The following CACNA1C variants were observed in gnomAD, a reference collection of about 807,000 sequenced individuals.
CACNA1C encodes the protein calcium voltage-gated channel subunit alpha1 C.
Under a neutral mutation model 229.0 loss-of-function variants are expected in CACNA1C, and 30 were observed. The ratio of observed to expected loss-of-function variants is 0.13; its 90% CI spans 0.10 to 0.18. The LOEUF (loss-of-function observed/expected upper bound fraction) is 0.18, where lower values mean the gene tolerates loss of function less well. Among genes scored for constraint, CACNA1C ranks in the 10% least tolerant of loss-of-function variants. CACNA1C has a pLI of 1.00. For synonymous variants in CACNA1C, 1,114 were observed against 1,132.5 expected (o/e 0.98, Z 0.33); for missense variants, 1,658 against 2,845.0 (o/e 0.58, Z 9.49).
chr12:1,973,016 C>T (rs1368235571), intron 1 of CACNA1C, among the ~76,000 whole-genome samples: 3 of 152,200 alleles, frequency 2.0e-5, no homozygotes, highest in Non-Finnish European at 4.4e-5. Flanking sequence ...GTACTTCTTC[C>T]CCATTTGGAA....
At chr12:1,982,133 G>C (rs894028161) in intron 1 of CACNA1C, among the ~76,000 whole-genome samples, 1 of 152,180 alleles carries the variant, frequency 6.6e-6, no homozygotes, top group African/African-American at 2.4e-5. Flanking sequence ...GAGGGGATAA[G>C]CCAGATGTGA....
chr12:2,295,409 G>A (rs778437229), intron 3 of CACNA1C, among the ~76,000 whole-genome samples: 35 of 152,182 alleles, frequency 2.3e-4, no homozygotes, highest in African/African-American at 7.9e-4. Flanking sequence ...TCAGTGAAAC[G>A]TCCTTCCTTA....
At chr12:2,522,198 A>G (rs1427956105) in intron 9 of CACNA1C, among the ~76,000 whole-genome samples, 2 of 151,782 alleles carry the variant, frequency 1.3e-5, no homozygotes, top group East Asian at 1.9e-4. Context: ...CTCAACCCTC[A>G]CCTACCCACC....
chr12:2,661,475 AC>A (rs1316472126), intron 34 of CACNA1C, among the ~76,000 whole-genome samples: 14 of 152,118 alleles, frequency 9.2e-5, no homozygotes, highest in African/African-American at 3.4e-4. Flanking sequence ...TTAAAAAAAA[AC>A]AACTACAACA....
At chr12:2,066,925 G>A (rs539219045) in intron 1 of CACNA1C, among the ~76,000 whole-genome samples, 3 of 152,204 alleles carry the variant, frequency 2.0e-5, no homozygotes, top group East Asian at 3.9e-4. Context: ...AGCTGGAGTG[G>A]GGCCTGAGCT....
At chr12:2,328,108 G>T (rs2096401268) in intron 3 of CACNA1C, among the ~76,000 whole-genome samples, 1 of 152,236 alleles carries the variant, frequency 6.6e-6, no homozygotes, top group South Asian at 2.1e-4. Context: ...TGTCAAAGCG[G>T]CAAGGCTGCT....
chr12:2,220,946 AAAAG>A (rs2061315787), intron 3 of CACNA1C: 2 of 149,566 alleles, frequency 1.3e-5, no homozygotes, highest in African/African-American at 2.6e-5. Context: ...GGTGCTATGA[AAAAG>A]AAATCAAAGA....
intron 22 of CACNA1C, chr12:2,603,550 G>T (rs985092495): frequency 6.6e-5 from 10 of 152,240 alleles, no homozygotes; most frequent in African/African-American, 1.7e-4. Context: ...CACCAAGGTG[G>T]TATGGTTAAT....
chr12:2,595,423 G>T lies in CACNA1C; in HGVS notation c.2664-451G>T, dbSNP rs556649548. ...TTGTGCTGGGGCATGGAAGTGAATT[G>T]CACATTTAAAGCTATTACACAGGAG... is the stretch of plus-strand genomic sequence containing the variant. On this transcript the variant is annotated intron_variant, in intron 19 of 46. Coordinates refer to ENST00000399655, the MANE Select transcript of CACNA1C (RefSeq NM_000719.7). The surrounding 1 kb of genome is among the most constrained non-coding windows in gnomAD (Gnocchi z 4.1). Among the ~76,000 whole-genome samples, 33 of 152,276 alleles carry T rather than the reference G, an allele frequency of 2.2e-4. No individual in the cohort carries two copies. Among genetic ancestry groups the T allele is most frequent in the African/African-American group, 6.7e-4 (28 of 41,548 alleles).
At chr12:2,050,957 C>T (rs1387458508), upstream of CACNA1C, among the ~76,000 whole-genome samples, 2 of 152,152 alleles carry the variant, frequency 1.3e-5, no homozygotes, top group South Asian at 4.1e-4. Flanking sequence ...CTGCTCTAGG[C>T]ACTGGTGAAC....
In CACNA1C at chr12:2,378,494, A is replaced by C. The variant is rs1567334193; in HGVS notation, c.478-70482A>C. Among the ~76,000 whole-genome samples the C allele has an allele frequency of 2.0e-5, 3 of 152,340 alleles. No individual in the cohort carries two copies. The South Asian group carries it at 6.2e-4, about 32-fold the overall frequency. On this transcript the variant is annotated intron_variant, in intron 3 of 46. Coordinates refer to ENST00000399655, the MANE Select transcript of CACNA1C (RefSeq NM_000719.7). ...CATCAAACGTAAGCACATAGATGCCAACCAGTGTCTACGGGGTGTACCAAG... is the reference window on the plus strand; with the variant it reads ...CATCAAACGTAAGCACATAGATGCCCACCAGTGTCTACGGGGTGTACCAAG...
intron 3 of CACNA1C, among the ~76,000 whole-genome samples, chr12:2,351,639 C>T (rs750337475): frequency 2.1e-4 from 32 of 152,332 alleles, no homozygotes; most frequent in South Asian, 4.1e-4. Flanking sequence ...GTCTTTCCCA[C>T]TTGTCCTTCC....
chr12:2,086,809 A>G (rs2067867520), intron 1 of CACNA1C, among the ~76,000 whole-genome samples: 1 of 152,194 alleles, frequency 6.6e-6, no homozygotes, highest in Non-Finnish European at 1.5e-5. Flanking sequence ...GGACTAGCAC[A>G]CCATCACTTC....
At chr12:2,471,318 T>C (rs1034975321) in intron 5 of CACNA1C, among the ~76,000 whole-genome samples, 17 of 152,338 alleles carry the variant, frequency 1.1e-4, no homozygotes, top group African/African-American at 3.8e-4. Flanking sequence ...CTCAACAATG[T>C]TTTTATTTTT....
At chr12:2,680,227 G>A (rs2097065986) in intron 42 of CACNA1C, 2 of 620,142 alleles carry the variant, frequency 3.2e-6, no homozygotes. Context: ...CTCCCGGAGA[G>A]GGCATCCCCT....
At position 2,585,299 on chromosome 12, in the gene CACNA1C, A is replaced by G; in HGVS notation, c.2340-77A>G. 6.8e-7 allele frequency: 1 copy of G among 1,464,724 alleles called. No homozygotes were observed. Among genetic ancestry groups the G allele is most frequent in the Non-Finnish European group, 9.2e-7 (1 of 1,089,016 alleles). The allele number at this position is 1,464,724 out of a possible 1,614,324, so 90.7% of individuals were successfully genotyped here. A position where few individuals can be genotyped will look rare whatever the true frequency, so the allele number is the denominator to read the frequency against. Reference sequence around the variant, plus strand: ...GTCCCCTCTGGCCCCAACAGGCCACAGGGCGGTTCCCTCCTACACTGTTCC... The same window carrying G: ...GTCCCCTCTGGCCCCAACAGGCCACGGGGCGGTTCCCTCCTACACTGTTCC... On this transcript the variant is annotated intron_variant, in intron 16 of 46. Transcript: ENST00000399655. This position sits in a 1 kb window ranked among gnomAD's most constrained non-coding sequence, Gnocchi z 4.1.
chr12:2,602,631 TGTGTGTGTGTGTG>T lies in CACNA1C; in HGVS notation c.2960+672_2960+684del, dbSNP rs1407981914. Among the ~76,000 whole-genome samples, 38 of 38,330 alleles carry T rather than the reference TGTGTGTGTGTGTG, an allele frequency of 9.9e-4. No homozygotes were observed. Among genetic ancestry groups the T allele is most frequent in the South Asian group, 2.7e-3 (5 of 1,852 alleles). 25.1% of individuals were successfully genotyped at this position (38,330 alleles called of 152,430 possible). A position where few individuals can be genotyped will look rare whatever the true frequency, so the allele number is the denominator to read the frequency against. ...TGTGTGACTGTGTATATTTGTGTCT[TGTGTGTGTGTGTG>T]TGTGTGTGTGTGTGTGTGTGTGTGT... On this transcript the variant is annotated intron_variant, in intron 22 of 46. Coordinates refer to ENST00000399655, the MANE Select transcript of CACNA1C (RefSeq NM_000719.7). The surrounding 1 kb of genome is among the most constrained non-coding windows in gnomAD (Gnocchi z 4.4).
In CACNA1C at chr12:2,674,634, C is replaced by T. The variant is rs1474705801; in HGVS notation, c.4820C>T (p.Pro1607Leu). The T allele has an allele frequency of 6.4e-7, 1 of 1,564,542 alleles. No individual in the cohort carries two copies. The highest frequency in any genetic ancestry group is 8.7e-7 in the Non-Finnish European group (1 of 1,154,550). Residue 1607 changes from proline (P) to leucine (L), a missense_variant, in exon 39 of 47, where the codon CCT (proline) becomes CTT (leucine). By Grantham distance (98) the Pro-to-Leu change is moderately conservative. Transcript: ENST00000399655. ...SMKLLDQVVP[P>L]AGDDEVTVGK... is the part of the protein sequence containing the mutation. ...AAGCTGCTGGACCAGGTGGTGCCCC[C>T]TGCAGGTGGTGAGTGCTCCCTGGAC... is the stretch of plus-strand genomic sequence containing the variant.
intron 1 of CACNA1C, among the ~76,000 whole-genome samples, chr12:2,064,720 C>T (rs1194948847): frequency 6.6e-6 from 1 of 152,158 alleles, no homozygotes; most frequent in Non-Finnish European, 1.5e-5. Flanking sequence ...AGGCTCTTGG[C>T]TGTGGATTGA....
Sources: allele counts gnomAD v4.1 joint callset (sites outside exome capture counted in the v4.1 genomes callset), GRCh38; gene constraint gnomAD v4.1.1; non-coding constraint Gnocchi (gnomAD v3.1); transcripts MANE v1.5; gene names NCBI Gene and HGNC (gene_info 2026-07-23, HGNC 2026-07-21).